Variants in UNC5B observed in about 807,000 individuals in gnomAD.
UNC5B encodes the protein netrin receptor UNC5B.
UNC5B carries 56 observed loss-of-function variants against 103.7 expected under a neutral mutation model. The observed-to-expected ratio is 0.54, with a 90% CI of 0.44 to 0.67. The LOEUF (loss-of-function observed/expected upper bound fraction) is 0.67, where lower values mean the gene tolerates loss of function less well. Ranked by LOEUF, UNC5B falls within the 30% of genes least tolerant of loss-of-function variation. The pLI is 0.00. For synonymous variants in UNC5B, 577 were observed against 542.0 expected, an observed-to-expected ratio of 1.06 and a Z score of -0.90; for missense variants, 1,194 against 1,284.5, an observed-to-expected ratio of 0.93 and a Z score of 1.08.
chr10:71,216,334 C>G (rs1359437018), intron 1 of UNC5B, among the ~76,000 whole-genome samples: 1 of 152,168 alleles, frequency 6.6e-6, no homozygotes, highest in Non-Finnish European at 1.5e-5. Flanking sequence ...GACTGGAACT[C>G]ATGGCAGGAT....
At chr10:71,247,870 TCTTA>T (rs1396209641) in intron 1 of UNC5B, among the ~76,000 whole-genome samples, 1 of 151,946 alleles carries the variant, frequency 6.6e-6, no homozygotes, top group Admixed American at 6.6e-5. Context: ...GATTTGGGGG[TCTTA>T]CTTGTGTCCT....
chr10:71,235,081 GCTGCCTCTGACT>G (rs58943649), intron 1 of UNC5B, among the ~76,000 whole-genome samples: 36,298 of 149,562 alleles, frequency 0.24, 4,839 homozygotes, highest in East Asian at 0.35. Context: ...ACTCGCTGCC[GCTGCCTCTGACT>G]CTGCCTCTGC....
At chr10:71,242,419 G>C (rs191033975) in intron 1 of UNC5B, among the ~76,000 whole-genome samples, 103 of 152,322 alleles carry the variant, frequency 6.8e-4, no homozygotes, top group African/African-American at 2.4e-3. Context: ...AGAGCCTGGC[G>C]TGGGCTTCTT....
rs144371231 is a variant in UNC5B, at chr10:71,213,728, A to AGAGTGTGTGTGTGTGTGT, written c.79+665_79+666insAGTGTGTGTGTGTGTGTG. 6.8e-5 allele frequency among the ~76,000 whole-genome samples: 9 copies of AGAGTGTGTGTGTGTGTGT among 131,474 alleles called. 1 individual carries two copies. The highest frequency in any genetic ancestry group is 2.6e-4 in the African/African-American group (9 of 34,208). The allele number at this position is 131,474 out of a possible 152,430, so 86.3% of individuals were successfully genotyped here. A position where few individuals can be genotyped will look rare whatever the true frequency, so the allele number is the denominator to read the frequency against. On this transcript the variant is annotated intron_variant, in intron 1 of 16. Transcript: ENST00000335350. The surrounding 1 kb of genome is among the most constrained non-coding windows in gnomAD (Gnocchi z 4.1). Reference sequence around the variant, plus strand: ...ATTATTAATTTTCTGAGTGTTGGAGAGTGTGTGTGTGTGTGTGTGTGTGTG... The same window carrying AGAGTGTGTGTGTGTGTGT: ...ATTATTAATTTTCTGAGTGTTGGAGAGAGTGTGTGTGTGTGTGTGTGTGTGTGTGTGTGTGTGTGTGTG...
intron 1 of UNC5B, among the ~76,000 whole-genome samples, chr10:71,223,541 G>T (rs1843492069): frequency 6.6e-6 from 1 of 152,142 alleles, no homozygotes; most frequent in South Asian, 2.1e-4. Context: ...AGGTAGGAAG[G>T]AATTTATTCA....
At position 71,290,999 on chromosome 10, in the gene UNC5B, G is replaced by T. The variant is rs1214447988; in HGVS notation, c.1184G>T (p.Gly395Val). ...GTCGTGGCAATCCTCATGGCGGTGG[G>T]GGTGGTGGTGTACCGCCGCAACTGC... ...FVVVAILMAV[G>V]VVVYRRNCRD... The change falls in exon 9 of 17, where the codon GGG (glycine) becomes GTG (valine). Residue 395 changes from glycine (G) to valine (V), a missense_variant. By Grantham distance (109) the Gly-to-Val change is moderately radical. Transcript: ENST00000335350. The T allele has an allele frequency of 1.2e-6, 2 of 1,614,076 alleles. No homozygotes were observed. The highest frequency in any genetic ancestry group is 1.1e-5 in the South Asian group (1 of 91,074).
intron 1 of UNC5B, among the ~76,000 whole-genome samples, chr10:71,215,933 A>G (rs527317421): frequency 6.6e-6 from 1 of 152,168 alleles, no homozygotes; most frequent in Non-Finnish European, 1.5e-5. Context: ...TCACTTAAAC[A>G]AATGGAAAAT....
chr10:71,250,839 A>G (rs1189442772), intron 1 of UNC5B, among the ~76,000 whole-genome samples: 2 of 152,178 alleles, frequency 1.3e-5, no homozygotes, highest in Non-Finnish European at 1.5e-5. Context: ...TCTGTCTCCT[A>G]CAGATTCTAA....
intron 1 of UNC5B, among the ~76,000 whole-genome samples, chr10:71,227,628 A>ATACATATATT (rs1222820816): frequency 1.4e-5 from 2 of 145,258 alleles, no homozygotes; most frequent in African/African-American, 5.1e-5. Context: ...ATACATATAT[A>ATACATATATT]CATATATATA....
rs758172075 is a variant in UNC5B at position 71,298,091 on chromosome 10, G to A, written c.2672+1G>A. On this transcript the variant is annotated splice_donor_variant, in intron 16 of 16. Coordinates refer to ENST00000335350, the MANE Select transcript of UNC5B (RefSeq NM_170744.5). LOFTEE classifies it high-confidence loss of function. ...TAGCACAGAAGCTCTCTATGGACCG[G>A]TGAGTATCCCAAACCACAGCCCATC... 8 of 1,600,784 alleles carry A rather than the reference G, an allele frequency of 5.0e-6. No individual in the cohort carries two copies. The highest frequency in any genetic ancestry group is 1.7e-5 in the Admixed American group (1 of 58,900).
intron 1 of UNC5B, among the ~76,000 whole-genome samples, chr10:71,223,719 G>T (rs1437012183): frequency 1.4e-5 from 2 of 138,798 alleles, no homozygotes; most frequent in African/African-American, 2.5e-5. Flanking sequence ...ACTTTAAAAT[G>T]TTTCTTTCCT....
chr10:71,240,401 C>T (rs940948537), intron 1 of UNC5B, among the ~76,000 whole-genome samples: 2 of 152,258 alleles, frequency 1.3e-5, no homozygotes, highest in African/African-American at 4.8e-5. Context: ...CCCCAGTAAC[C>T]CCAGGAAGGA....
In UNC5B at chr10:71,277,575, C is replaced by T. The variant is rs532475561; in HGVS notation, c.80-2246C>T. On this transcript the variant is annotated intron_variant, in intron 1 of 16. Coordinates refer to ENST00000335350, the MANE Select transcript of UNC5B (RefSeq NM_170744.5). ...CTCAGGGCATGCACAGCAACCAGCT[C>T]TCAGGCCACTGAAAGCCAATGTTCA... 3.9e-5 allele frequency among the ~76,000 whole-genome samples: 6 copies of T among 152,346 alleles called. No individual in the cohort carries two copies. The East Asian group carries it at 9.6e-4, about 24-fold the overall frequency.
intron 1 of UNC5B, among the ~76,000 whole-genome samples, chr10:71,237,690 C>T (rs1843804216): frequency 6.6e-6 from 1 of 152,226 alleles, no homozygotes; most frequent in African/African-American, 2.4e-5. Flanking sequence ...AGCCTCCTGC[C>T]TCCATCTCCA....
intron 1 of UNC5B, among the ~76,000 whole-genome samples, chr10:71,248,240 C>A (rs750302191): frequency 1.1e-4 from 16 of 152,122 alleles, no homozygotes; most frequent in Admixed American, 3.9e-4. Flanking sequence ...GAGCTCCCCC[C>A]ACTTGCTTCC....
rs371335555 is a variant in UNC5B, at chr10:71,226,413, A to G, written c.79+13349A>G. Among the ~76,000 whole-genome samples the G allele has an allele frequency of 1.2e-4, 18 of 152,186 alleles. No homozygotes were observed. The East Asian group carries it at 2.1e-3, about 18-fold the overall frequency. ...AATAACTGAATAACAGCCAGATAAC[A>G]CCACCCATGTATCATTAGGGTCTTT... On this transcript the variant is annotated intron_variant, in intron 1 of 16. Transcript: ENST00000335350.
chr10:71,299,216 C>T lies in UNC5B; in HGVS notation c.2777C>T (p.Ala926Val), dbSNP rs1187560242. 1.2e-6 allele frequency: 2 copies of T among 1,614,136 alleles called. No homozygotes were observed. Among genetic ancestry groups the T allele is most frequent in the Non-Finnish European group, 1.7e-6 (2 of 1,180,056 alleles). ...DDGDLNSLAS[A>V]LEEMGKSEML... ...GGGGACCTCAACAGCCTGGCGAGTG[C>T]CTTGGAGGAGATGGGCAAGAGTGAG... Residue 926 changes from alanine to valine, a missense_variant, in exon 17 of 17, where the codon GCC becomes GTC. By Grantham distance (64) the Ala-to-Val change is moderately conservative (BLOSUM62 0). Coordinates refer to ENST00000335350, the MANE Select transcript of UNC5B (RefSeq NM_170744.5).
intron 4 of UNC5B, 29 bp downstream of exon 4, chr10:71,285,458 A>G (rs1845050865): frequency 3.9e-6 from 6 of 1,544,530 alleles, no homozygotes; most frequent in Non-Finnish European, 4.4e-6. Context: ...ACCACTGAGC[A>G]CGGCCCTGTG....
intron 1 of UNC5B, among the ~76,000 whole-genome samples, chr10:71,270,638 C>T (rs1844626524): frequency 6.6e-6 from 1 of 151,976 alleles, no homozygotes; most frequent in Non-Finnish European, 1.5e-5. Flanking sequence ...TGGGGGTGGT[C>T]GTGCAGTGTG....
Sources: allele counts gnomAD v4.1 joint callset (sites outside exome capture counted in the v4.1 genomes callset), GRCh38; gene constraint gnomAD v4.1.1; non-coding constraint Gnocchi (gnomAD v3.1); transcripts MANE v1.5; gene names NCBI Gene and HGNC (gene_info 2026-07-23, HGNC 2026-07-21).